Variants in AKT3 observed in about 807,000 individuals in gnomAD.
The protein encoded by AKT3 is AKT serine/threonine kinase 3, also known as RAC-gamma serine/threonine-protein kinase.
AKT3 carries 15 observed loss-of-function variants against 65.3 expected under a neutral mutation model. The ratio of observed to expected loss-of-function variants is 0.23; its 90% CI spans 0.15 to 0.35. The LOEUF (loss-of-function observed/expected upper bound fraction) is 0.35, where lower values mean the gene tolerates loss of function less well. AKT3 is among the 10% of genes least tolerant of loss of function. The probability of loss-of-function intolerance (pLI) is 1.00; values close to 1 mark genes in which losing one functional copy is unlikely to be tolerated. For synonymous variants in AKT3, 206 were observed against 183.8 expected (o/e 1.12, Z -0.98); for missense variants, 243 against 576.5 (o/e 0.42, Z 5.92).
chr1:243,776,055 G>A (rs1270619871), intron 2 of AKT3, among the ~76,000 whole-genome samples: 1 of 152,174 alleles, frequency 6.6e-6, no homozygotes, highest in Non-Finnish European at 1.5e-5. Flanking sequence ...CTGATACAGT[G>A]AAGGAAGCAT....
chr1:243,552,068 T>TC (rs1673109697), intron 11 of AKT3, among the ~76,000 whole-genome samples: 1 of 151,944 alleles, frequency 6.6e-6, no homozygotes, highest in Non-Finnish European at 1.5e-5. Context: ...AGCAGGCGGA[T>TC]CACTTGAGGT....
At chr1:243,821,334 G>GAT (rs1693841580) in intron 2 of AKT3, among the ~76,000 whole-genome samples, 1 of 152,102 alleles carries the variant, frequency 6.6e-6, no homozygotes, top group South Asian at 2.1e-4. Context: ...AAAATACACT[G>GAT]AAATACAAAG....
intron 2 of AKT3, among the ~76,000 whole-genome samples, chr1:243,720,692 A>G (rs1686834008): frequency 6.6e-6 from 1 of 152,146 alleles, no homozygotes; most frequent in South Asian, 2.1e-4. Context: ...AAATATTAGT[A>G]TCTTAAAATT....
chr1:243,596,534 C>T (rs1676629641), intron 8 of AKT3, among the ~76,000 whole-genome samples: 1 of 152,180 alleles, frequency 6.6e-6, no homozygotes, highest in Non-Finnish European at 1.5e-5. Context: ...ACCACAGTAA[C>T]ATACTCCCAC....
In AKT3 at chr1:243,649,313, ATGTGTGTGTGTGTGTG is replaced by A. The variant is rs55765060; in HGVS notation, c.285-3292_285-3277del. On this transcript the variant is annotated intron_variant, in intron 4 of 13. Transcript: ENST00000673466. Reference sequence around the variant, plus strand: ...ATGACCAAGAATATGTTATGTGTATATGTGTGTGTGTGTGTGTGTGTGTGTGTGTGTGTGTGTGTGT... The same window carrying A: ...ATGACCAAGAATATGTTATGTGTATATGTGTGTGTGTGTGTGTGTGTGTGT... Among the ~76,000 whole-genome samples, 280 of 146,018 alleles carry A rather than the reference ATGTGTGTGTGTGTGTG, an allele frequency of 1.9e-3. 2 individuals carry two copies. Among genetic ancestry groups the A allele is most frequent in the African/African-American group, 6.3e-3 (241 of 38,340 alleles).
At chr1:243,842,352 C>T (rs144280764) in intron 2 of AKT3, among the ~76,000 whole-genome samples, 16 of 152,264 alleles carry the variant, frequency 1.1e-4, no homozygotes, top group African/African-American at 2.4e-4. Context: ...TCCTACTCGA[C>T]GTGGCCATGT....
intron 9 of AKT3, among the ~76,000 whole-genome samples, 168 bp downstream of exon 9, chr1:243,572,758 T>C (rs533239352): frequency 1.5e-4 from 23 of 152,318 alleles, no homozygotes; most frequent in African/African-American, 5.5e-4. Flanking sequence ...TACATACATG[T>C]TAGTGAATAA....
chr1:243,518,814 A>G (rs1670528420), intron 12 of AKT3, among the ~76,000 whole-genome samples: 1 of 152,254 alleles, frequency 6.6e-6, no homozygotes, highest in African/African-American at 2.4e-5. Flanking sequence ...CTGCACCAAA[A>G]TTAACTCATA....
chr1:243,806,510 A>C (rs1273921432), intron 2 of AKT3, among the ~76,000 whole-genome samples: 3 of 152,152 alleles, frequency 2.0e-5, no homozygotes, highest in African/African-American at 7.2e-5. Context: ...GTCATTTAGC[A>C]TTTTGGTTTC....
chr1:243,644,476 C>A (rs1680660609), intron 5 of AKT3, among the ~76,000 whole-genome samples: 1 of 151,730 alleles, frequency 6.6e-6, no homozygotes, highest in African/African-American at 2.4e-5. Flanking sequence ...CCTTTATTTC[C>A]CTTAACTATA....
rs1301445670 is a variant in AKT3, at chr1:243,619,455, AT to A, written c.562-4295del. Reference sequence around the variant, plus strand: ...ACTGAACTATCTAACACTAGGTCTTATTACAACTGTACTTCTGTACCTATTA... The same window carrying A: ...ACTGAACTATCTAACACTAGGTCTTATACAACTGTACTTCTGTACCTATTA... On this transcript the variant is annotated intron_variant, in intron 6 of 13. Transcript: ENST00000673466. Among the ~76,000 whole-genome samples the A allele has an allele frequency of 2.7e-4, 11 of 40,726 alleles. 4 individuals carry two copies. The highest frequency in any genetic ancestry group is 1.4e-3 in the Non-Finnish European group (10 of 6,996). The allele number at this position is 40,726 out of a possible 152,430, so 26.7% of individuals were successfully genotyped here. A position where few individuals can be genotyped will look rare whatever the true frequency, so the allele number is the denominator to read the frequency against.
chr1:243,495,082 A>T (rs1667447551), downstream of AKT3, among the ~76,000 whole-genome samples: 1 of 152,220 alleles, frequency 6.6e-6, no homozygotes, highest in African/African-American at 2.4e-5. Context: ...GGAAGTTCTC[A>T]TGACTCAGGG....
chr1:243,668,162 G>A (rs1271105795), intron 3 of AKT3, among the ~76,000 whole-genome samples: 2 of 152,106 alleles, frequency 1.3e-5, no homozygotes, highest in Non-Finnish European at 2.9e-5. Flanking sequence ...AACTATGCCA[G>A]ACACATAGTA....
chr1:243,742,994 G>T (rs1424711377), intron 2 of AKT3, among the ~76,000 whole-genome samples: 1 of 152,160 alleles, frequency 6.6e-6, no homozygotes, highest in Non-Finnish European at 1.5e-5. Flanking sequence ...GAAGAGGTCA[G>T]AAGGAGGTAG....
At chr1:243,607,527 C>T (rs1030847952) in intron 8 of AKT3, among the ~76,000 whole-genome samples, 3 of 152,272 alleles carry the variant, frequency 2.0e-5, no homozygotes, top group African/African-American at 7.2e-5. Context: ...ATGCCTGTAC[C>T]CCCATTGTAT....
rs537478459 is a variant in AKT3, at chr1:243,695,527, T to C, written c.172+64A>G. The stretch of plus-strand genomic sequence containing the variant: ...CAGGTTTCTCATATAGCCTAAGATA[T>C]CTGACACATAAAATCATAAAAATAA... On this transcript the variant is annotated intron_variant, in intron 3 of 13. Transcript: ENST00000673466. The C allele has an allele frequency of 2.8e-6, 4 of 1,442,360 alleles. No individual in the cohort carries two copies. In the East Asian group the frequency reaches 9.8e-5, roughly 35 times the overall value. The allele number at this position is 1,442,360 out of a possible 1,614,324, so 89.3% of individuals were successfully genotyped here. A position where few individuals can be genotyped will look rare whatever the true frequency, so the allele number is the denominator to read the frequency against.
intron 3 of AKT3, among the ~76,000 whole-genome samples, chr1:243,675,494 T>C (rs988301066): frequency 1.3e-5 from 2 of 152,128 alleles, no homozygotes; most frequent in African/African-American, 4.8e-5. Flanking sequence ...AGCCACTACA[T>C]CCAGCCTCAA....
chr1:243,642,283 GAAA>G (rs971523738), intron 5 of AKT3, among the ~76,000 whole-genome samples: 16 of 152,182 alleles, frequency 1.1e-4, no homozygotes, highest in African/African-American at 3.9e-4. Context: ...TGATGTTATG[GAAA>G]AAGATACAGT....
intron 1 of AKT3, among the ~76,000 whole-genome samples, 188 bp downstream of exon 1, chr1:243,849,852 C>A (rs1034519471): frequency 4.0e-5 from 6 of 151,830 alleles, no homozygotes; most frequent in African/African-American, 1.5e-4. Context: ...CACCCACACC[C>A]GAAGCCTCCG....
Sources: allele counts gnomAD v4.1 joint callset (sites outside exome capture counted in the v4.1 genomes callset), GRCh38; gene constraint gnomAD v4.1.1; transcripts MANE v1.5; gene names NCBI Gene and HGNC (gene_info 2026-07-23, HGNC 2026-07-21).